TEX9: variants seen among roughly 807,000 people sequenced by gnomAD.
TEX9 encodes testis-expressed protein 9.
TEX9 carries 74 observed loss-of-function variants against 59.6 expected under a neutral mutation model. The observed-to-expected ratio is 1.24, with a 90% confidence interval of 1.03 to 1.51. The LOEUF is 1.51. Among genes scored for constraint, TEX9 ranks in the 40% most tolerant of loss-of-function variants. The pLI, the probability that TEX9 is intolerant of heterozygous loss-of-function variation, is 0.00. For missense variants in TEX9, 522 were observed against 447.8 expected, an observed-to-expected ratio of 1.17 and a Z score of -1.49; for synonymous variants, 186 against 152.2, an observed-to-expected ratio of 1.22 and a Z score of -1.64.
At chr15:56,359,258 T>G (rs2046747184) in intron 1 of TEX9, among the ~76,000 whole-genome samples, 1 of 152,164 alleles carries the variant, frequency 6.6e-6, no homozygotes, top group African/African-American at 2.4e-5. Flanking sequence ...TGGCATTAAA[T>G]GTAATATATT....
intron 12 of TEX9, among the ~76,000 whole-genome samples, chr15:56,430,958 C>G (rs1395563411): frequency 1.3e-5 from 2 of 152,110 alleles, no homozygotes; most frequent in African/African-American, 4.8e-5. Context: ...GCCAAGAGTT[C>G]AAGACCAGCC....
At chr15:56,378,317 GA>G (rs1276635962) in intron 3 of TEX9, among the ~76,000 whole-genome samples, 2 of 152,014 alleles carry the variant, frequency 1.3e-5, no homozygotes, top group African/African-American at 2.4e-5. Flanking sequence ...TTAAATGTTC[GA>G]TAGAATTCGC....
rs149713327 is a variant in TEX9, at chr15:56,384,774, G to A, written c.263+743G>A. Among the ~76,000 whole-genome samples, 416 of 152,304 alleles carry A rather than the reference G, an allele frequency of 2.7e-3. 4 individuals are homozygous for A. The highest frequency in any genetic ancestry group is 9.5e-3 in the African/African-American group (396 of 41,566). On this transcript the variant is annotated intron_variant, in intron 4 of 12. Coordinates refer to ENST00000352903, the Ensembl canonical transcript of TEX9. ...AATGAATTTAGTAAAACTATCATCT[G>A]TGGTAAATTGGGAGGCACAACAGGT...
intron 3 of TEX9, among the ~76,000 whole-genome samples, chr15:56,379,465 A>T (rs576203177): frequency 6.6e-6 from 1 of 152,346 alleles, no homozygotes; most frequent in Admixed American, 6.5e-5. Context: ...GTGACCTAAC[A>T]TATGGTCTGT....
At chr15:56,385,632 A>G (rs2047925669) in intron 4 of TEX9, among the ~76,000 whole-genome samples, 1 of 151,908 alleles carries the variant, frequency 6.6e-6, no homozygotes, top group Non-Finnish European at 1.5e-5. Flanking sequence ...ATGTAATGGC[A>G]TGTAGAACTG....
intron 9 of TEX9, among the ~76,000 whole-genome samples, chr15:56,398,859 C>G (rs765130491): frequency 1.2e-4 from 19 of 152,092 alleles, no homozygotes; most frequent in East Asian, 3.9e-4. Context: ...ACTGGCCAGG[C>G]ATGGTGGTTG....
upstream of TEX9, among the ~76,000 whole-genome samples, chr15:56,360,815 C>G (rs2046775395): frequency 6.6e-6 from 1 of 152,084 alleles, no homozygotes; most frequent in South Asian, 2.1e-4. Context: ...AGCTATGTAC[C>G]AGATAATTAA....
intron 9 of TEX9, among the ~76,000 whole-genome samples, chr15:56,404,829 G>A (rs1340124166): frequency 2.0e-5 from 3 of 152,146 alleles, no homozygotes; most frequent in African/African-American, 7.2e-5. Flanking sequence ...TATGTCCTTT[G>A]CAGGGACATA....
chr15:56,357,106 A>G (rs748577787), intron 1 of TEX9, among the ~76,000 whole-genome samples: 1 of 152,088 alleles, frequency 6.6e-6, no homozygotes. Flanking sequence ...TATGTCCCCT[A>G]CCCTATAAAT....
chr15:56,333,553 C>G (rs1293570236), intron 1 of TEX9, among the ~76,000 whole-genome samples: 1 of 150,022 alleles, frequency 6.7e-6, no homozygotes, highest in Non-Finnish European at 1.5e-5. Context: ...GATGACAGAA[C>G]CATAGATAGT....
chr15:56,317,156 T>A (rs2725847), intron 1 of TEX9, among the ~76,000 whole-genome samples: 1 of 152,182 alleles, frequency 6.6e-6, no homozygotes, highest in Non-Finnish European at 1.5e-5. Context: ...TGTTCCTATT[T>A]GGCCATCTTG....
intron 1 of TEX9, among the ~76,000 whole-genome samples, chr15:56,288,050 G>A (rs1392845632): frequency 1.3e-5 from 2 of 152,138 alleles, no homozygotes; most frequent in Admixed American, 6.5e-5. Context: ...TAGTGAGATT[G>A]CTGGATCATA....
At chr15:56,406,401 C>A (rs2140092970) in intron 9 of TEX9, among the ~76,000 whole-genome samples, 1 of 152,200 alleles carries the variant, frequency 6.6e-6, no homozygotes, top group Non-Finnish European at 1.5e-5. Flanking sequence ...TATTAAAAAT[C>A]CACAGTGAAT....
At chr15:56,321,876 A>G (rs1004322366) in intron 1 of TEX9, among the ~76,000 whole-genome samples, 2 of 152,056 alleles carry the variant, frequency 1.3e-5, no homozygotes, top group Non-Finnish European at 2.9e-5. Context: ...TCTAAAAACA[A>G]TAGAGATGGA....
At chr15:56,307,171 C>T (rs1003095716) in intron 1 of TEX9, among the ~76,000 whole-genome samples, 7 of 152,156 alleles carry the variant, frequency 4.6e-5, no homozygotes, top group African/African-American at 1.7e-4. Context: ...CCTAATGAAA[C>T]TCAGAAAGAG....
intron 1 of TEX9, among the ~76,000 whole-genome samples, chr15:56,318,794 G>T (rs2045836767): frequency 6.6e-6 from 1 of 151,934 alleles, no homozygotes. Flanking sequence ...ATAAAAATTT[G>T]CTCCGATATA....
intron 12 of TEX9, among the ~76,000 whole-genome samples, chr15:56,439,938 C>T (rs921862270): frequency 2.6e-5 from 4 of 151,972 alleles, no homozygotes; most frequent in African/African-American, 9.7e-5. Context: ...TAAGAAAAAT[C>T]GTGCTCTAAG....
intron 1 of TEX9, among the ~76,000 whole-genome samples, chr15:56,264,589 T>A (rs2044338601): frequency 6.6e-6 from 1 of 152,206 alleles, no homozygotes; most frequent in African/African-American, 2.4e-5. Context: ...TTTTCAAATA[T>A]TTTGATGGAC....
chr15:56,394,907 G>C, intron 9 of TEX9, 73 bp downstream of exon 9: 1 of 1,404,490 alleles, frequency 7.1e-7, no homozygotes, highest in Non-Finnish European at 9.6e-7. Context: ...CATTTGTATA[G>C]ATGCCATTTT....
Sources: gnomAD v4.1 joint callset for allele counts (sites outside exome capture counted in the v4.1 genomes callset) on GRCh38, gnomAD v4.1.1 for gene constraint, MANE v1.5 for transcripts, NCBI Gene and HGNC (gene_info 2026-07-23, HGNC 2026-07-21) for gene names.